Variants in KIF16B observed in about 807,000 individuals in gnomAD.
The protein encoded by KIF16B is kinesin-like protein KIF16B.
Under a neutral mutation model 156.3 loss-of-function variants are expected in KIF16B, and 98 were observed. That is an observed-to-expected ratio of 0.63 (90% CI 0.53 to 0.74). KIF16B has a LOEUF of 0.74. Among genes scored for constraint, KIF16B ranks in the 30% least tolerant of loss-of-function variants. The pLI, the probability that KIF16B is intolerant of heterozygous loss-of-function variation, is 0.00. For synonymous variants in KIF16B, 564 were observed against 583.7 expected (o/e 0.97, Z 0.49); for missense variants, 1,421 against 1,606.5 (o/e 0.88, Z 1.97).
At chr20:16,494,531 A>G (rs1377556667) in intron 11 of KIF16B, among the ~76,000 whole-genome samples, 181 bp from the exon 12 acceptor site, 2 of 152,150 alleles carry the variant, frequency 1.3e-5, no homozygotes, top group Non-Finnish European at 2.9e-5. Flanking sequence ...TATTCCTACA[A>G]CCTACATTAG....
chr20:16,487,837 T>C (rs2068167687), intron 12 of KIF16B, among the ~76,000 whole-genome samples: 1 of 152,172 alleles, frequency 6.6e-6, no homozygotes, highest in Non-Finnish European at 1.5e-5. Flanking sequence ...GTCATTTACA[T>C]TAGGATCCCA....
chr20:16,461,419 T>C lies in KIF16B; in HGVS notation c.1303-31437A>G, dbSNP rs16997643. Among the ~76,000 whole-genome samples, 616 of 152,266 alleles carry C rather than the reference T, an allele frequency of 4.0e-3. 3 individuals carry two copies. The highest frequency in any genetic ancestry group is 0.014 in the African/African-American group (578 of 41,556). On this transcript the variant is annotated intron_variant, in intron 12 of 25. Transcript: ENST00000354981. ...GTAGAAAAAAGCAAAATGTCAACTC[T>C]ACTTAAAATAAACAGGCCCATTTTG...
At chr20:16,470,209 C>G (rs995109274) in intron 12 of KIF16B, among the ~76,000 whole-genome samples, 14 of 152,110 alleles carry the variant, frequency 9.2e-5, no homozygotes, top group African/African-American at 3.1e-4. Flanking sequence ...AGTCAGAGCG[C>G]AAGGTGTTTT....
chr20:16,534,509 A>G (rs766072388), intron 1 of KIF16B, among the ~76,000 whole-genome samples: 1 of 152,168 alleles, frequency 6.6e-6, no homozygotes, highest in Non-Finnish European at 1.5e-5. Flanking sequence ...AATGTTTTTC[A>G]GTTTAACATA....
chr20:16,462,982 T>A (rs778403774), intron 12 of KIF16B, among the ~76,000 whole-genome samples: 3 of 152,168 alleles, frequency 2.0e-5, no homozygotes, highest in Non-Finnish European at 2.9e-5. Flanking sequence ...AGTGGCCAGT[T>A]TCTTCCCACG....
chr20:16,356,352 G>T lies in KIF16B; in HGVS notation c.3599C>A (p.Ala1200Glu), dbSNP rs758519009. 3.1e-6 allele frequency: 5 copies of T among 1,614,034 alleles called. No individual in the cohort carries two copies. The highest frequency in any genetic ancestry group is 1.7e-5 in the Admixed American group (1 of 60,006). ...RYVLCGQGKD[A>E]HFEFEVKITV... Reference sequence around the variant, plus strand: ...CACCTTGACCTCAAACTCGAAGTGTGCATCCTTTCCTTGCCCGCAGAGGAC... The same window carrying T: ...CACCTTGACCTCAAACTCGAAGTGTTCATCCTTTCCTTGCCCGCAGAGGAC... Residue 1200 changes from alanine to glutamate, a missense_variant, in exon 23 of 26, where the codon GCA (alanine) becomes GAA (glutamate). Physicochemically the swap from Ala to Glu is moderately radical, Grantham distance 107. Coordinates refer to ENST00000354981, the MANE Select transcript of KIF16B (RefSeq NM_024704.5).
chr20:16,451,974 T>A (rs574325202), intron 12 of KIF16B, among the ~76,000 whole-genome samples: 1 of 152,144 alleles, frequency 6.6e-6, no homozygotes, highest in Non-Finnish European at 1.5e-5. Context: ...AACCTCTTTA[T>A]GTTTACTCAA....
At chr20:16,341,210 C>T (rs142505419) in intron 23 of KIF16B, among the ~76,000 whole-genome samples, 130 of 152,322 alleles carry the variant, frequency 8.5e-4, no homozygotes, top group African/African-American at 3.1e-3. Context: ...AAACAACATA[C>T]AGCCAAACCA....
At chr20:16,448,880 G>GAGAGAGAGAGAGAGAGAGAA (rs2067005190) in intron 12 of KIF16B, among the ~76,000 whole-genome samples, 1 of 151,078 alleles carries the variant, frequency 6.6e-6, no homozygotes, top group East Asian at 1.9e-4. Context: ...ATATGACAGA[G>GAGAGAGAGAGAGAGAGAGAA]AGAGAGAGAG....
chr20:16,485,678 C>G (rs1166039957), intron 12 of KIF16B, among the ~76,000 whole-genome samples: 2 of 152,172 alleles, frequency 1.3e-5, no homozygotes, highest in Non-Finnish European at 2.9e-5. Flanking sequence ...CCTTTAAAAC[C>G]AACCATTCAG....
At chr20:16,297,997 A>T (rs1315389539) in intron 25 of KIF16B, among the ~76,000 whole-genome samples, 1 of 152,042 alleles carries the variant, frequency 6.6e-6, no homozygotes, top group Non-Finnish European at 1.5e-5. Context: ...ACTGCTGACA[A>T]CATTCCATTG....
chr20:16,350,149 A>T (rs1289979438), intron 23 of KIF16B, among the ~76,000 whole-genome samples: 2 of 152,254 alleles, frequency 1.3e-5, no homozygotes, highest in Non-Finnish European at 1.5e-5. Flanking sequence ...AAAATCAGGA[A>T]AGCTTTTGTC....
At chr20:16,503,886 A>G (rs2068696328) in intron 10 of KIF16B, among the ~76,000 whole-genome samples, 1 of 152,200 alleles carries the variant, frequency 6.6e-6, no homozygotes, top group South Asian at 2.1e-4. Flanking sequence ...ACAGCATTTC[A>G]GCCAGATCAC....
rs1208868443 is a variant in KIF16B at position 16,463,390 on chromosome 20, C to T, written c.1302+30901G>A. On this transcript the variant is annotated intron_variant, in intron 12 of 25. Coordinates refer to ENST00000354981, the MANE Select transcript of KIF16B (RefSeq NM_024704.5). ...AGTAAGGCACTATACCTAGTGGTCC[C>T]TCTCAAAGTATCCTAGCATTAGAAA... 2.0e-5 allele frequency among the ~76,000 whole-genome samples: 3 copies of T among 152,146 alleles called. No homozygotes were observed. In the East Asian group the frequency reaches 5.8e-4, roughly 29 times the overall value.
At chr20:16,494,617 A>G (rs2068394115) in intron 11 of KIF16B, among the ~76,000 whole-genome samples, 1 of 152,222 alleles carries the variant, frequency 6.6e-6, no homozygotes, top group Admixed American at 6.5e-5. Flanking sequence ...GTGTACTTAA[A>G]GCAGCTCCCT....
At position 16,335,927 on chromosome 20, in the gene KIF16B, T is replaced by C; in HGVS notation, c.3710A>G (p.Glu1237Gly). The C allele has an allele frequency of 1.3e-6, 2 of 1,571,028 alleles. No homozygotes were observed. Among genetic ancestry groups the C allele is most frequent in the South Asian group, 1.1e-5 (1 of 89,926 alleles). ...MHKTLKLKYAELAALEFPPKK... is the reference protein window; with the variant it reads ...MHKTLKLKYAGLAALEFPPKK... ...GGAGATAATAATTTCATAACTTACC[T>C]CTGCATACTTTAACTTCAATGTTTT... The change falls in exon 24 of 26, where the codon GAG (glutamate) becomes GGG (glycine). Residue 1237 changes from glutamate to glycine, a missense_variant and splice_region_variant. Transcript: ENST00000354981.
chr20:16,379,755 C>CT lies in KIF16B; in HGVS notation c.2246dup (p.Arg750GlufsTer64), dbSNP rs35229389. On this transcript the variant is annotated frameshift_variant, in exon 19 of 26. Transcript: ENST00000354981. LOFTEE classifies it high-confidence loss of function. ...GCTCCTTCTCCTGCTCCTCTAGTCT[C>CT]TTTTTTTCCAGTTCAAGCTTGGCAT... is the stretch of plus-strand genomic sequence containing the variant. 5 of 1,614,076 alleles carry CT rather than the reference C, an allele frequency of 3.1e-6. No individual in the cohort carries two copies. The highest frequency in any genetic ancestry group is 1.3e-5 in the African/African-American group (1 of 74,926).
intron 12 of KIF16B, among the ~76,000 whole-genome samples, chr20:16,441,173 G>A (rs562444836): frequency 9.2e-5 from 14 of 152,246 alleles, no homozygotes; most frequent in South Asian, 2.1e-4. Flanking sequence ...AACAGCTAAC[G>A]GAAAGGATTA....
intron 12 of KIF16B, among the ~76,000 whole-genome samples, chr20:16,465,059 T>A (rs2146705445): frequency 6.6e-6 from 1 of 152,336 alleles, no homozygotes; most frequent in African/African-American, 2.4e-5. Context: ...CAGGTTCTCA[T>A]CTATTTAAAT....
Sources: gnomAD v4.1 joint callset for allele counts (sites outside exome capture counted in the v4.1 genomes callset) on GRCh38, gnomAD v4.1.1 for gene constraint, MANE v1.5 for transcripts, NCBI Gene and HGNC (gene_info 2026-07-23, HGNC 2026-07-21) for gene names.